SAMSN1: variants seen among roughly 807,000 people sequenced by gnomAD.
The protein encoded by SAMSN1 is SAM domain-containing protein SAMSN-1.
In SAMSN1, 31 loss-of-function variants were observed where a neutral mutation model predicts 42.0. That is an observed-to-expected ratio of 0.74 (90% CI 0.55 to 1.00). SAMSN1 has a LOEUF of 1.00. Ranked by LOEUF, SAMSN1 falls within the 50% of genes least tolerant of loss-of-function variation. The pLI, the probability that SAMSN1 is intolerant of heterozygous loss-of-function variation, is 0.00. For missense variants in SAMSN1, 464 were observed against 439.4 expected, an observed-to-expected ratio of 1.06 and a Z score of -0.50; for synonymous variants, 178 against 151.9, an observed-to-expected ratio of 1.17 and a Z score of -1.26.
At chr21:14,508,379 T>C (rs921794559) in intron 5 of SAMSN1, among the ~76,000 whole-genome samples, 2 of 151,232 alleles carry the variant, frequency 1.3e-5, no homozygotes, top group African/African-American at 4.9e-5. Flanking sequence ...AACAATCCCA[T>C]CAAAAAGTAG....
upstream of SAMSN1, among the ~76,000 whole-genome samples, chr21:14,551,285 G>C (rs2123177785): frequency 6.6e-6 from 1 of 152,170 alleles, no homozygotes; most frequent in African/African-American, 2.4e-5. Flanking sequence ...AGAAGAAACA[G>C]ATCATTGGGA....
intron 5 of SAMSN1, among the ~76,000 whole-genome samples, chr21:14,509,894 C>T (rs1037877614): frequency 3.3e-5 from 5 of 152,106 alleles, no homozygotes; most frequent in African/African-American, 1.2e-4. Flanking sequence ...AATCCCAGCA[C>T]TTTGGGAGGC....
intron 7 of SAMSN1, among the ~76,000 whole-genome samples, chr21:14,497,636 A>AT (rs1175442736): frequency 6.6e-6 from 1 of 152,138 alleles, no homozygotes; most frequent in Non-Finnish European, 1.5e-5. Context: ...TAGTAGTAGT[A>AT]TTTTTTGATA....
chr21:14,523,882 G>A (rs1003512378), intron 1 of SAMSN1, among the ~76,000 whole-genome samples: 8 of 152,128 alleles, frequency 5.3e-5, no homozygotes. Context: ...AAGAAAAGCA[G>A]ATTTAGGAGT....
chr21:14,569,047 G>C (rs1448392961), intron 2 of SAMSN1, among the ~76,000 whole-genome samples: 1 of 152,070 alleles, frequency 6.6e-6, no homozygotes, highest in Non-Finnish European at 1.5e-5. Context: ...AATCTCAGCA[G>C]TTTGGGAGGC....
chr21:14,602,575 T>C (rs894570887), intron 5 of SAMSN1, among the ~76,000 whole-genome samples: 3 of 152,248 alleles, frequency 2.0e-5, no homozygotes, highest in Non-Finnish European at 2.9e-5. Context: ...CTTTGCAATG[T>C]AGCATCCATT....
intron 1 of SAMSN1, among the ~76,000 whole-genome samples, chr21:14,654,839 G>A (rs748106221): frequency 6.6e-6 from 1 of 151,464 alleles, no homozygotes; most frequent in Non-Finnish European, 1.5e-5. Context: ...AAAGCAAGGC[G>A]AAGAAGCCAG....
intron 4 of SAMSN1, chr21:14,612,550 A>G: frequency 2.1e-6 from 1 of 471,130 alleles, no homozygotes; most frequent in South Asian, 1.7e-5. Context: ...ACAGATCTAA[A>G]ATGATCTCTA....
At chr21:14,555,100 G>A (rs957367894) in intron 2 of SAMSN1, among the ~76,000 whole-genome samples, 2 of 152,126 alleles carry the variant, frequency 1.3e-5, no homozygotes, top group Non-Finnish European at 2.9e-5. Context: ...GCCCTGCTGG[G>A]CTGTGGAGAA....
At chr21:14,491,456 C>T (rs1463969891) in intron 7 of SAMSN1, among the ~76,000 whole-genome samples, 2 of 152,158 alleles carry the variant, frequency 1.3e-5, no homozygotes, top group Non-Finnish European at 2.9e-5. Flanking sequence ...CATGTGAAAG[C>T]TACCTTCCCT....
upstream of SAMSN1, among the ~76,000 whole-genome samples, chr21:14,587,768 TTA>T (rs1981965063): frequency 1.3e-5 from 2 of 150,034 alleles, no homozygotes; most frequent in Admixed American, 6.6e-5. Context: ...TATTTATTTT[TTA>T]AATTTTTTTT....
Position 14,621,826 on chromosome 21 carries a change from C to A in SAMSN1, c.157-5810G>T, listed in dbSNP as rs191705549. 8.3e-4 allele frequency among the ~76,000 whole-genome samples: 127 copies of A among 152,326 alleles called. 2 individuals carry two copies. In the South Asian group the frequency reaches 0.011, roughly 13 times the overall value. ...GATCTGAGAATGGACAGACTGCCCC[C>A]TCAAGGGGGTCCCTGACCCTCGAGT... On this transcript the variant is annotated intron_variant, in intron 2 of 15. Transcript: ENST00000647101.
At chr21:14,529,706 G>A (rs1035107679) in intron 1 of SAMSN1, among the ~76,000 whole-genome samples, 1 of 152,016 alleles carries the variant, frequency 6.6e-6, no homozygotes, top group African/African-American at 2.4e-5. Context: ...CACAAATATA[G>A]AATCAATTCC....
rs1230610078 is a variant in SAMSN1, at chr21:14,485,347, T to G, written c.*565A>C. On this transcript the variant is annotated 3_prime_UTR_variant, in exon 8 of 8. Coordinates refer to ENST00000400566, the MANE Select transcript of SAMSN1 (RefSeq NM_022136.5). ...ACAATTGGTTTCACTAAATCAGAAG[T>G]GACTACACATTATCTCTACTTTTAT... 1 of 152,276 alleles carries G rather than the reference T, an allele frequency of 6.6e-6. No individual in the cohort carries two copies. Among genetic ancestry groups the G allele is most frequent in the East Asian group, 1.9e-4 (1 of 5,200 alleles). The allele number at this position is 152,276 out of a possible 1,614,324, so 9.4% of individuals were successfully genotyped here.
chr21:14,605,653 C>T (rs1011066127), intron 5 of SAMSN1, among the ~76,000 whole-genome samples: 4 of 151,882 alleles, frequency 2.6e-5, no homozygotes, highest in Non-Finnish European at 5.9e-5. Context: ...AAGAGGCTGG[C>T]CAAATGATAT....
chr21:14,651,516 G>T (rs1983837305), intron 1 of SAMSN1, among the ~76,000 whole-genome samples: 1 of 151,792 alleles, frequency 6.6e-6, no homozygotes, highest in Admixed American at 6.6e-5. Flanking sequence ...TAAAAAAACT[G>T]AGTCTAGAAG....
intron 6 of SAMSN1, among the ~76,000 whole-genome samples, chr21:14,595,723 G>T (rs1035367338): frequency 6.6e-6 from 1 of 152,154 alleles, no homozygotes; most frequent in African/African-American, 2.4e-5. Context: ...TGTAAGGCAA[G>T]TTTGGTTTCC....
At chr21:14,517,663 T>C (rs1987976935) in intron 2 of SAMSN1, among the ~76,000 whole-genome samples, 1 of 152,194 alleles carries the variant, frequency 6.6e-6, no homozygotes, top group Non-Finnish European at 1.5e-5. Context: ...GTAATTCACA[T>C]GCTATATTAA....
intron 5 of SAMSN1, among the ~76,000 whole-genome samples, chr21:14,602,823 T>C (rs1982470186): frequency 6.6e-6 from 1 of 151,428 alleles, no homozygotes; most frequent in Non-Finnish European, 1.5e-5. Context: ...CTTGCAACCA[T>C]TGCTTCAGTT....
Sources: allele counts gnomAD v4.1 joint callset (sites outside exome capture counted in the v4.1 genomes callset), GRCh38; gene constraint gnomAD v4.1.1; transcripts MANE v1.5; gene names NCBI Gene and HGNC (gene_info 2026-07-23, HGNC 2026-07-21).